Variants in FBXL20 observed in about 807,000 individuals in gnomAD.
The protein encoded by FBXL20 is F-box and leucine rich repeat protein 20.
Under a neutral mutation model 64.0 loss-of-function variants are expected in FBXL20, and 11 were observed. The ratio of observed to expected loss-of-function variants is 0.17; its 90% confidence interval spans 0.11 to 0.28. FBXL20 has a LOEUF of 0.28. Among genes scored for constraint, FBXL20 ranks in the 10% least tolerant of loss-of-function variants. The probability of loss-of-function intolerance (pLI) is 1.00; values close to 1 mark genes in which losing one functional copy is unlikely to be tolerated. For synonymous variants in FBXL20, 184 were observed against 189.0 expected, an observed-to-expected ratio of 0.97 and a Z score of 0.22; for missense variants, 303 against 526.2, an observed-to-expected ratio of 0.58 and a Z score of 4.15.
intron 2 of FBXL20, among the ~76,000 whole-genome samples, chr17:39,311,621 T>A (rs1011511856): frequency 6.6e-6 from 1 of 152,172 alleles, no homozygotes; most frequent in African/African-American, 2.4e-5. Context: ...CCAATCTAGG[T>A]AACTCAATTC....
intron 1 of FBXL20, among the ~76,000 whole-genome samples, chr17:39,390,902 C>T (rs1432047534): frequency 1.3e-5 from 2 of 151,884 alleles, no homozygotes; most frequent in Admixed American, 6.6e-5. Flanking sequence ...CAAAAATTAC[C>T]CGGGCATGGT....
chr17:39,320,616 T>TA (rs1219714561), intron 2 of FBXL20, among the ~76,000 whole-genome samples: 5 of 147,040 alleles, frequency 3.4e-5, no homozygotes, highest in African/African-American at 2.6e-5. Context: ...TTTTTTGAGA[T>TA]AGAGTTTTAC....
In FBXL20 at chr17:39,325,902, G is replaced by T. The variant is rs556227126; in HGVS notation, c.104+17278C>A. ...TAGTTTGAATGTTTGTCCCCTTCAA[G>T]TCTCATGTTGAAATGTGATCCCCAA... On this transcript the variant is annotated intron_variant, in intron 2 of 14. Coordinates refer to ENST00000264658, the MANE Select transcript of FBXL20 (RefSeq NM_032875.3). Among the ~76,000 whole-genome samples, 3 of 152,278 alleles carry T rather than the reference G, an allele frequency of 2.0e-5. No homozygotes were observed. The East Asian group carries it at 5.8e-4, about 29-fold the overall frequency.
At position 39,393,967 on chromosome 17, in the gene FBXL20, T is replaced by G. The variant is rs552148267; in HGVS notation, c.42+7394A>C. ...TAGTTGCTGTCAAGTAAAAATGTTT[T>G]ATATATCTAATGAATCCAACTACAT... On this transcript the variant is annotated intron_variant, in intron 1 of 14. Transcript: ENST00000264658. Among the ~76,000 whole-genome samples the G allele has an allele frequency of 7.9e-5, 12 of 152,340 alleles. 1 individual carries two copies. The East Asian group carries it at 2.3e-3, about 29-fold the overall frequency.
chr17:39,390,924 G>A (rs2048127781), intron 1 of FBXL20, among the ~76,000 whole-genome samples: 1 of 152,068 alleles, frequency 6.6e-6, no homozygotes, highest in Admixed American at 6.6e-5. Flanking sequence ...GCAGGCGCCT[G>A]TAATCCCAGC....
chr17:39,273,245 ACC>A (rs1419666365), intron 10 of FBXL20, among the ~76,000 whole-genome samples: 2 of 151,790 alleles, frequency 1.3e-5, no homozygotes, highest in East Asian at 3.9e-4. Context: ...CAAACTCCTG[ACC>A]TCAGATGATC....
intron 11 of FBXL20, among the ~76,000 whole-genome samples, chr17:39,269,937 C>A (rs965929521): frequency 2.0e-5 from 3 of 152,226 alleles, no homozygotes; most frequent in Non-Finnish European, 4.4e-5. Context: ...TTAGTCATGC[C>A]ATGTGCTGGC....
intron 2 of FBXL20, among the ~76,000 whole-genome samples, chr17:39,340,484 C>A (rs543850929): frequency 4.5e-4 from 68 of 152,320 alleles, no homozygotes; most frequent in African/African-American, 1.5e-3. Flanking sequence ...CCTGCCTTGG[C>A]CTCCCAAAGT....
intron 2 of FBXL20, among the ~76,000 whole-genome samples, chr17:39,312,809 C>G (rs1054223180): frequency 6.6e-6 from 1 of 151,160 alleles, no homozygotes; most frequent in Non-Finnish European, 1.5e-5. Flanking sequence ...ATCTCCTGAC[C>G]TCGTGATCCG....
chr17:39,372,516 CAAAAAAAAA>C (rs747264126), intron 1 of FBXL20, among the ~76,000 whole-genome samples: 30 of 41,164 alleles, frequency 7.3e-4, no homozygotes, highest in East Asian at 2.0e-3. Flanking sequence ...AGACTCTGAC[CAAAAAAAAA>C]AAAAAAAAAA....
upstream of FBXL20, chr17:39,402,232 T>C (rs1444580267): frequency 1.6e-6 from 2 of 1,231,650 alleles, no homozygotes; most frequent in Non-Finnish European, 2.0e-6. Context: ...TTCCTCCTCT[T>C]CTGGATGTGT....
chr17:39,310,022 G>A (rs1405152188), intron 2 of FBXL20, among the ~76,000 whole-genome samples: 4 of 151,544 alleles, frequency 2.6e-5, no homozygotes, highest in Non-Finnish European at 4.4e-5. Flanking sequence ...GTGTGGTGGC[G>A]TGTGCCTGTA....
chr17:39,361,835 A>G (rs1473597231), intron 1 of FBXL20, among the ~76,000 whole-genome samples: 1 of 151,732 alleles, frequency 6.6e-6, no homozygotes, highest in Non-Finnish European at 1.5e-5. Context: ...AGTGGCTCAT[A>G]CCTGTAAATC....
At position 39,253,597 on chromosome 17, in the gene FBXL20, C is replaced by CCGTG. The variant is rs1308075528; in HGVS notation, c.*7862_*7863insCACG. The CCGTG allele has an allele frequency of 6.6e-6, 1 of 152,194 alleles. No homozygotes were observed. The highest frequency in any genetic ancestry group is 1.5e-5 in the Non-Finnish European group (1 of 68,020). 9.4% of individuals were successfully genotyped at this position (152,194 alleles called of 1,614,324 possible). A position where few individuals can be genotyped will look rare whatever the true frequency, so the allele number is the denominator to read the frequency against. On this transcript the variant is annotated 3_prime_UTR_variant, in exon 15 of 15. Transcript: ENST00000264658. ...TGGTCTCGTGGATCTTGTGTATGTGCCAACAGGCTGTAAGGGTTAGAAGTT... is the reference window on the plus strand; with the variant it reads ...TGGTCTCGTGGATCTTGTGTATGTGCCGTGCAACAGGCTGTAAGGGTTAGAAGTT...
At chr17:39,371,663 T>C (rs1051330696) in intron 1 of FBXL20, among the ~76,000 whole-genome samples, 1 of 151,370 alleles carries the variant, frequency 6.6e-6, no homozygotes, top group Non-Finnish European at 1.5e-5. Context: ...TTTACTTTTT[T>C]CTTTTTTTTT....
At chr17:39,317,802 C>T (rs537452925) in intron 2 of FBXL20, among the ~76,000 whole-genome samples, 16 of 148,900 alleles carry the variant, frequency 1.1e-4, no homozygotes, top group African/African-American at 2.5e-4. Context: ...CCCAGGTTCA[C>T]GCCATTCTTC....
chr17:39,264,952 C>T (rs1345141747), intron 13 of FBXL20, among the ~76,000 whole-genome samples: 3 of 152,174 alleles, frequency 2.0e-5, no homozygotes, highest in Admixed American at 1.3e-4. Context: ...TACAACAGAA[C>T]AGTCACTCAG....
chr17:39,320,984 G>C (rs536778221), intron 2 of FBXL20, among the ~76,000 whole-genome samples: 3 of 152,256 alleles, frequency 2.0e-5, no homozygotes, highest in Non-Finnish European at 2.9e-5. Context: ...ATATTTTTAT[G>C]ATTGCATTTG....
chr17:39,340,591 T>C (rs1043638243), intron 2 of FBXL20, among the ~76,000 whole-genome samples: 2 of 152,186 alleles, frequency 1.3e-5, no homozygotes, highest in African/African-American at 4.8e-5. Flanking sequence ...AGATGTAAGA[T>C]GTTAATATTA....
Sources: allele counts gnomAD v4.1 joint callset (sites outside exome capture counted in the v4.1 genomes callset), GRCh38; gene constraint gnomAD v4.1.1; transcripts MANE v1.5; gene names NCBI Gene and HGNC (gene_info 2026-07-23, HGNC 2026-07-21).